The following FREM2 variants were observed in gnomAD, a reference collection of about 807,000 sequenced individuals.
The protein encoded by FREM2 is FRAS1 related extracellular matrix 2.
In FREM2, 119 loss-of-function variants were observed where a neutral mutation model predicts 219.9. The ratio of observed to expected loss-of-function variants is 0.54; its 90% CI spans 0.47 to 0.63. FREM2 has a LOEUF of 0.63. Among genes scored for constraint, FREM2 ranks in the 30% least tolerant of loss-of-function variants. The pLI is 0.00. For synonymous variants in FREM2, 1,562 were observed against 1,522.8 expected, an observed-to-expected ratio of 1.03 and a Z score of -0.60; for missense variants, 4,030 against 3,993.6, an observed-to-expected ratio of 1.01 and a Z score of -0.25.
intron 6 of FREM2, among the ~76,000 whole-genome samples, chr13:38,820,227 T>C (rs1256485256): frequency 2.0e-5 from 3 of 152,114 alleles, no homozygotes. Flanking sequence ...ATGGTTGCCT[T>C]TCTGAAAGAT....
intron 6 of FREM2, among the ~76,000 whole-genome samples, chr13:38,840,960 A>G (rs1593439406): frequency 6.6e-6 from 1 of 152,154 alleles, no homozygotes; most frequent in Non-Finnish European, 1.5e-5. Flanking sequence ...CTTTGTCCAT[A>G]AAAATCTTGT....
At chr13:38,812,532 A>T (rs1342416195) in intron 6 of FREM2, among the ~76,000 whole-genome samples, 1 of 152,168 alleles carries the variant, frequency 6.6e-6, no homozygotes, top group African/African-American at 2.4e-5. Context: ...TAAACTAATG[A>T]CAACAACACT....
At chr13:38,693,236 C>A (rs990257813) in intron 1 of FREM2, among the ~76,000 whole-genome samples, 6 of 152,280 alleles carry the variant, frequency 3.9e-5, no homozygotes, top group Middle Eastern at 6.8e-3. Flanking sequence ...ACAATATGTT[C>A]ATCACCAAAA....
At chr13:38,875,900 C>A in intron 18 of FREM2, 122 bp from the exon 19 acceptor site, 1 of 950,064 alleles carries the variant, frequency 1.1e-6, no homozygotes, top group Non-Finnish European at 1.7e-6. Context: ...GACTGCTTTG[C>A]AGCCTTCTTA....
intron 10 of FREM2, among the ~76,000 whole-genome samples, chr13:38,851,321 C>A (rs1465066749): frequency 6.6e-6 from 1 of 152,136 alleles, no homozygotes; most frequent in Non-Finnish European, 1.5e-5. Flanking sequence ...TGGCTTATAT[C>A]CAAACACTAA....
At chr13:38,740,593 T>A (rs571385274) in intron 2 of FREM2, among the ~76,000 whole-genome samples, 15 of 152,186 alleles carry the variant, frequency 9.9e-5, no homozygotes, top group Admixed American at 9.8e-4. Flanking sequence ...AGAAAAGAAA[T>A]AAATCATTCT....
intron 4 of FREM2, among the ~76,000 whole-genome samples, chr13:38,775,089 A>G (rs1873816854): frequency 6.6e-6 from 1 of 152,252 alleles, no homozygotes; most frequent in South Asian, 2.1e-4. Context: ...TAAAAACCTA[A>G]TATTAATGAG....
At chr13:38,819,691 G>A (rs2137875044) in intron 6 of FREM2, among the ~76,000 whole-genome samples, 1 of 152,102 alleles carries the variant, frequency 6.6e-6, no homozygotes, top group Non-Finnish European at 1.5e-5. Flanking sequence ...CTTCCAAGAT[G>A]TGCTAAATCT....
Position 38,692,266 on chromosome 13 carries a change from C to G in FREM2, c.4922C>G (p.Pro1641Arg). ...GATACGGTGTTTGAAACAAGGAGAC[C>G]CCAAGTGATGAAGATCCAGGTCTTG... ...FPDTVFETRR[P>R]QVMKIQVLAV... The change falls in exon 1 of 24, where the codon CCC becomes CGC. Residue 1641 changes from proline (P) to arginine (R), a missense_variant. This residue lies in a region of FREM2 where 3,102 missense variants were observed against 2,950.7 expected (regional missense o/e 1.05). Coordinates refer to ENST00000280481, the MANE Select transcript of FREM2 (RefSeq NM_207361.6). 6.2e-7 allele frequency: 1 copy of G among 1,613,894 alleles called. No homozygotes were observed. Among genetic ancestry groups the G allele is most frequent in the Non-Finnish European group, 8.5e-7 (1 of 1,179,906 alleles).
intron 5 of FREM2, 135 bp from the exon 6 acceptor site, chr13:38,784,422 G>C: frequency 1.2e-6 from 1 of 855,606 alleles, no homozygotes; most frequent in Non-Finnish European, 1.9e-6. Context: ...ACAGTACGTA[G>C]TTGCTATTGC....
chr13:38,840,478 A>G lies in FREM2; in HGVS notation c.6020-6095A>G, dbSNP rs140475499. Among the ~76,000 whole-genome samples the G allele has an allele frequency of 7.8e-3, 1,155 of 147,382 alleles. 12 individuals carry two copies. The highest frequency in any genetic ancestry group is 0.028 in the African/African-American group (1,104 of 39,514). On this transcript the variant is annotated intron_variant, in intron 6 of 23. Transcript: ENST00000280481. ...GCTCTGTCACCCAGGCTGGAGTGCA[A>G]TGGTGCAATATTGGCCCACTGCAAC...
In FREM2 at chr13:38,689,285, C is replaced by T. The variant is rs41292751; in HGVS notation, c.1941C>T (p.Asp647=). 52,954 of 1,614,000 alleles carry T rather than the reference C, an allele frequency of 0.033. 1,004 individuals are homozygous for T. The highest frequency in any genetic ancestry group is 0.038 in the Non-Finnish European group (44,959 of 1,179,954). ...CAGTGACAGAGTGGCAGCAGCAGGACATAACAGAGGGCAGGCTGTTCTATA... is the reference window on the plus strand; with the variant it reads ...CAGTGACAGAGTGGCAGCAGCAGGATATAACAGAGGGCAGGCTGTTCTATA... ...ERTVTEWQQQ[D]ITEGRLFYRH... The change falls in exon 1 of 24, where the codon GAC becomes GAT. Residue 647 remains aspartate, a synonymous_variant. Transcript: ENST00000280481.
intron 2 of FREM2, among the ~76,000 whole-genome samples, chr13:38,742,639 T>A (rs1377500045): frequency 1.3e-5 from 2 of 152,240 alleles, no homozygotes; most frequent in African/African-American, 2.4e-5. Flanking sequence ...TCTTGAGGAA[T>A]TATGCCATTT....
intron 2 of FREM2, among the ~76,000 whole-genome samples, chr13:38,711,899 G>A (rs1337338857): frequency 6.6e-6 from 1 of 151,070 alleles, no homozygotes; most frequent in Non-Finnish European, 1.5e-5. Flanking sequence ...GTGGGTCTCT[G>A]GGGCTGATAA....
rs769979597 is a variant in FREM2, at chr13:38,687,744, G to A, written c.400G>A (p.Gly134Ser). 1.0e-5 allele frequency: 16 copies of A among 1,544,314 alleles called. No homozygotes were observed. In the South Asian group the frequency reaches 1.5e-4, roughly 14 times the overall value. Residue 134 changes from glycine to serine, a missense_variant, in exon 1 of 24, where the codon GGC (glycine) becomes AGC (serine). Transcript: ENST00000280481. ...PKRFPCDFGP[G>S]EVRYSHLGAR... The stretch of plus-strand genomic sequence containing the variant: ...GCGCTTCCCGTGCGACTTTGGCCCT[G>A]GCGAGGTGCGCTACTCTCACCTGGG...
intron 2 of FREM2, among the ~76,000 whole-genome samples, chr13:38,708,170 G>C (rs545383964): frequency 1.3e-5 from 2 of 152,310 alleles, no homozygotes; most frequent in South Asian, 4.1e-4. Flanking sequence ...CTGTCCATGA[G>C]AGCCAGGATT....
Position 38,784,641 on chromosome 13 carries a change from G to T in FREM2, c.5852G>T (p.Arg1951Leu). Residue 1951 changes from arginine to leucine, a missense_variant, in exon 6 of 24, where the codon CGC becomes CTC. Around this residue, in one of 2 missense-constraint regions of FREM2, gnomAD observed 3,102 missense variants for 2,950.7 expected, o/e 1.05. Transcript: ENST00000280481. ...CCTGAGGACCACACCAGTGTTGTCC[G>T]CTTTGACAAAGATGAACGGGAGAAA... ...SRPEDHTSVVRFDKDEREKLC... is the reference protein window; with the variant it reads ...SRPEDHTSVVLFDKDEREKLC... 2 of 1,614,134 alleles carry T rather than the reference G, an allele frequency of 1.2e-6. No individual in the cohort carries two copies. The highest frequency in any genetic ancestry group is 1.7e-6 in the Non-Finnish European group (2 of 1,179,980).
rs548787549 is a variant in FREM2 at position 38,885,022 on chromosome 13, G to A, written c.*4235G>A. 6 of 152,210 alleles carry A rather than the reference G, an allele frequency of 3.9e-5. No individual in the cohort carries two copies. The highest frequency in any genetic ancestry group is 8.8e-5 in the Non-Finnish European group (6 of 67,992). The allele number at this position is 152,210 out of a possible 1,614,324, so 9.4% of individuals were successfully genotyped here. On this transcript the variant is annotated 3_prime_UTR_variant, in exon 24 of 24. Coordinates refer to ENST00000280481, the MANE Select transcript of FREM2 (RefSeq NM_207361.6). ...ATGGTAATAACATTTAATTGTTAAG[G>A]AAACATTATATATAGGTTCAAATTA...
intron 2 of FREM2, among the ~76,000 whole-genome samples, chr13:38,751,479 C>CA (rs1330222958): frequency 1.3e-5 from 2 of 152,104 alleles, no homozygotes; most frequent in African/African-American, 4.8e-5. Flanking sequence ...CTGCACTTGT[C>CA]CTTCCCTGAA....
Sources: gnomAD v4.1 joint callset for allele counts (sites outside exome capture counted in the v4.1 genomes callset) on GRCh38, gnomAD v4.1.1 for gene constraint, gnomAD v4.1.1 regional missense constraint, MANE v1.5 for transcripts, NCBI Gene and HGNC (gene_info 2026-07-23, HGNC 2026-07-21) for gene names.